Variants in CELF4 observed in about 807,000 individuals in gnomAD.
CELF4 encodes CUGBP Elav-like family member 4, also known as CUG-BP- and ETR-3-like factor 4.
Under a neutral mutation model 59.9 loss-of-function variants are expected in CELF4, and 18 were observed. That is an observed-to-expected ratio of 0.30 (90% CI 0.21 to 0.45). The LOEUF is 0.45. CELF4 is among the 20% of genes least tolerant of loss of function. CELF4 has a pLI of 1.00. For missense variants in CELF4, 456 were observed against 689.0 expected (o/e 0.66, Z 3.79); for synonymous variants, 261 against 267.1 (o/e 0.98, Z 0.22).
chr18:37,409,622 G>A (rs1248205427), intron 2 of CELF4, among the ~76,000 whole-genome samples: 1 of 152,104 alleles, frequency 6.6e-6, no homozygotes. Context: ...ATCAGGGAAG[G>A]GAGTGTCCAG....
chr18:37,507,084 C>T (rs1045807366), intron 1 of CELF4, among the ~76,000 whole-genome samples: 1 of 152,208 alleles, frequency 6.6e-6, no homozygotes, highest in African/African-American at 2.4e-5. Context: ...AGGGCTCTCT[C>T]TCTGTCCCCT....
At position 37,243,600 on chromosome 18, in the gene CELF4, T is replaced by A. The variant is rs2061007159; in HGVS notation, c.*1642A>T. The A allele has an allele frequency of 6.6e-6, 1 of 152,252 alleles. No individual in the cohort carries two copies. Among genetic ancestry groups the A allele is most frequent in the Admixed American group, 6.5e-5 (1 of 15,286 alleles). The allele number at this position is 152,252 out of a possible 1,614,324, so 9.4% of individuals were successfully genotyped here. On this transcript the variant is annotated 3_prime_UTR_variant, in exon 13 of 13. Transcript: ENST00000420428. The stretch of plus-strand genomic sequence containing the variant: ...TTAAATAGTTTTCCTTGTTTTTTTC[T>A]CTATCATTACAATTAAAAGTCCTAC...
At chr18:37,442,037 C>A (rs1171170145) in intron 2 of CELF4, among the ~76,000 whole-genome samples, 1 of 152,090 alleles carries the variant, frequency 6.6e-6, no homozygotes, top group East Asian at 1.9e-4. Context: ...CGGTGTGTCA[C>A]CCTTTACCTG....
chr18:37,408,844 G>A (rs11082005), intron 2 of CELF4, among the ~76,000 whole-genome samples: 43,716 of 151,996 alleles, frequency 0.29, 6,479 homozygotes, highest in Non-Finnish European at 0.31. Context: ...GGTGTGTGGG[G>A]GTGTTTGTCT....
At chr18:37,492,270 TC>T (rs907196348) in intron 1 of CELF4, among the ~76,000 whole-genome samples, 1 of 152,146 alleles carries the variant, frequency 6.6e-6, no homozygotes, top group African/African-American at 2.4e-5. Context: ...TGAAGGCCCC[TC>T]TGCCCCAAAT....
At chr18:37,512,810 T>C (rs74639216) in intron 1 of CELF4, among the ~76,000 whole-genome samples, 329 of 152,150 alleles carry the variant, frequency 2.2e-3, no homozygotes, top group African/African-American at 7.3e-3. Flanking sequence ...CTTTCCTTTC[T>C]CCTCTTGTTC....
At chr18:37,493,070 T>C (rs1398224190) in intron 1 of CELF4, among the ~76,000 whole-genome samples, 1 of 152,202 alleles carries the variant, frequency 6.6e-6, no homozygotes, top group Non-Finnish European at 1.5e-5. Context: ...CCTGCTGGTA[T>C]TCCAACAATT....
intron 2 of CELF4, among the ~76,000 whole-genome samples, chr18:37,358,343 A>T (rs1234597969): frequency 6.6e-6 from 1 of 152,202 alleles, no homozygotes; most frequent in Non-Finnish European, 1.5e-5. Flanking sequence ...GCCATCCGCA[A>T]AAGATGTGAC....
intron 2 of CELF4, chr18:37,473,925 T>C (rs924469853): frequency 6.6e-5 from 10 of 152,238 alleles, no homozygotes; most frequent in African/African-American, 2.2e-4. Flanking sequence ...CCCTGTGACA[T>C]AGCTCTGGCC....
At chr18:37,415,562 T>C (rs1157547057) in intron 2 of CELF4, among the ~76,000 whole-genome samples, 1 of 152,202 alleles carries the variant, frequency 6.6e-6, no homozygotes, top group African/African-American at 2.4e-5. Context: ...AAAGTGCCCA[T>C]CTAGAAAGGT....
intron 2 of CELF4, among the ~76,000 whole-genome samples, chr18:37,323,268 C>G (rs140787522): frequency 7.0e-6 from 1 of 143,516 alleles, no homozygotes; most frequent in Admixed American, 6.9e-5. Context: ...GATGCCAGGG[C>G]CAGCCCACCG....
intron 2 of CELF4, among the ~76,000 whole-genome samples, chr18:37,456,452 C>T (rs1042612750): frequency 6.6e-6 from 1 of 152,158 alleles, no homozygotes. Context: ...TAACAACCTG[C>T]CTTGTCCTGC....
At chr18:37,420,880 G>A (rs546285021) in intron 2 of CELF4, among the ~76,000 whole-genome samples, 1 of 152,320 alleles carries the variant, frequency 6.6e-6, no homozygotes, top group South Asian at 2.1e-4. Context: ...GCAGCCTTGA[G>A]GGACCAAATG....
intron 3 of CELF4, among the ~76,000 whole-genome samples, chr18:37,291,363 C>A (rs1172334588): frequency 6.6e-6 from 1 of 152,204 alleles, no homozygotes; most frequent in Admixed American, 6.5e-5. Context: ...CCCATGTACT[C>A]AAGAGGAGGG....
chr18:37,358,133 G>T (rs1009785195), intron 2 of CELF4, among the ~76,000 whole-genome samples: 1 of 152,112 alleles, frequency 6.6e-6, no homozygotes, highest in South Asian at 2.1e-4. Context: ...AGGGGCCGGG[G>T]TGGAATGATA....
At chr18:37,362,730 T>C (rs1160467189) in intron 2 of CELF4, among the ~76,000 whole-genome samples, 2 of 152,174 alleles carry the variant, frequency 1.3e-5, no homozygotes, top group Non-Finnish European at 2.9e-5. Context: ...GTGTCAACTG[T>C]GGCCTTTCTC....
intron 1 of CELF4, among the ~76,000 whole-genome samples, chr18:37,549,363 T>C (rs1428893670): frequency 6.6e-6 from 1 of 152,192 alleles, no homozygotes; most frequent in African/African-American, 2.4e-5. Context: ...TTGGGCAGGT[T>C]TGAGACAGGG....
At chr18:37,305,861 G>A (rs1223008050) in intron 3 of CELF4, 1 of 152,258 alleles carries the variant, frequency 6.6e-6, no homozygotes, top group Admixed American at 6.5e-5. Flanking sequence ...GGTCAACTTA[G>A]TGCTTTGATT....
intron 2 of CELF4, among the ~76,000 whole-genome samples, chr18:37,375,444 G>T (rs1291353576): frequency 6.6e-6 from 1 of 152,144 alleles, no homozygotes; most frequent in African/African-American, 2.4e-5. Flanking sequence ...ATCCTAGGGA[G>T]CCCCCCACTG....
Sources: allele counts gnomAD v4.1 joint callset (sites outside exome capture counted in the v4.1 genomes callset), GRCh38; gene constraint gnomAD v4.1.1; transcripts MANE v1.5; gene names NCBI Gene and HGNC (gene_info 2026-07-23, HGNC 2026-07-21).